Variants in CNTN5 observed in about 807,000 individuals in gnomAD.
The protein encoded by CNTN5 is contactin-5.
Under a neutral mutation model 129.1 loss-of-function variants are expected in CNTN5, and 77 were observed. That is an observed-to-expected ratio of 0.60 (90% confidence interval 0.50 to 0.72). The LOEUF (loss-of-function observed/expected upper bound fraction) is 0.72, where lower values mean the gene tolerates loss of function less well. CNTN5 is among the 30% of genes least tolerant of loss of function. The pLI is 0.00. For missense variants in CNTN5, 1,478 were observed against 1,328.8 expected (o/e 1.11, Z -1.75); for synonymous variants, 509 against 465.6 (o/e 1.09, Z -1.20).
chr11:99,381,353 A>G (rs1438722407), intron 2 of CNTN5, among the ~76,000 whole-genome samples: 2 of 152,158 alleles, frequency 1.3e-5, no homozygotes, highest in Non-Finnish European at 2.9e-5. Context: ...AAGTCAATGG[A>G]GATGATTTAT....
chr11:99,541,609 A>T (rs576200876), intron 2 of CNTN5, among the ~76,000 whole-genome samples: 1 of 152,122 alleles, frequency 6.6e-6, no homozygotes, highest in Non-Finnish European at 1.5e-5. Context: ...TCATGTTTTG[A>T]TGTGATGAAT....
At chr11:100,152,176 C>T (rs1410315180) in intron 13 of CNTN5, among the ~76,000 whole-genome samples, 3 of 152,136 alleles carry the variant, frequency 2.0e-5, no homozygotes, top group African/African-American at 7.2e-5. Context: ...TCATTTGTCT[C>T]CTTTTTCTCC....
intron 18 of CNTN5, among the ~76,000 whole-genome samples, chr11:100,274,035 C>T (rs541126328): frequency 3.0e-4 from 46 of 152,096 alleles, no homozygotes; most frequent in South Asian, 2.1e-4. Flanking sequence ...TACAGATGAG[C>T]GGAACAGAAT....
chr11:99,528,378 G>T (rs1329870939), intron 2 of CNTN5, among the ~76,000 whole-genome samples: 1 of 152,174 alleles, frequency 6.6e-6, no homozygotes, highest in Non-Finnish European at 1.5e-5. Flanking sequence ...TATTCATACA[G>T]AAATACATCT....
At chr11:99,580,736 T>G (rs1353068083) in intron 3 of CNTN5, among the ~76,000 whole-genome samples, 1 of 149,268 alleles carries the variant, frequency 6.7e-6, no homozygotes, top group East Asian at 2.0e-4. Context: ...TCTTTATTAG[T>G]CTTGCTAACG....
chr11:100,348,932 T>A (rs1196298076), intron 23 of CNTN5, among the ~76,000 whole-genome samples: 1 of 152,008 alleles, frequency 6.6e-6, no homozygotes, highest in African/African-American at 2.4e-5. Context: ...CCATGTGGTC[T>A]TATTCTCTGA....
rs939251828 is a variant in CNTN5 at position 99,680,492 on chromosome 11, A to G, written c.55+124223A>G. On this transcript the variant is annotated intron_variant, in intron 3 of 24. Coordinates refer to ENST00000524871, the MANE Select transcript of CNTN5 (RefSeq NM_014361.4). Reference sequence around the variant, plus strand: ...GGATGACAGCACATCTGTTTATAGCATGGTTTACTGAATATTTTAAGCCCA... The same window carrying G: ...GGATGACAGCACATCTGTTTATAGCGTGGTTTACTGAATATTTTAAGCCCA... 1.1e-4 allele frequency among the ~76,000 whole-genome samples: 17 copies of G among 151,854 alleles called. 1 individual carries two copies. The South Asian group carries it at 2.3e-3, about 20-fold the overall frequency.
intron 2 of CNTN5, among the ~76,000 whole-genome samples, chr11:99,550,935 A>G (rs752498104): frequency 1.1e-3 from 165 of 152,330 alleles, no homozygotes; most frequent in Non-Finnish European, 1.4e-3. Context: ...ACCAAGAGTA[A>G]GAGCATTTGG....
intron 1 of CNTN5, among the ~76,000 whole-genome samples, chr11:99,156,599 T>C (rs1474634247): frequency 6.6e-6 from 1 of 152,042 alleles, no homozygotes. Context: ...GACAAAAGTA[T>C]ACTGCAGACT....
intron 13 of CNTN5, among the ~76,000 whole-genome samples, chr11:100,153,583 G>GAAT (rs1235562821): frequency 6.6e-6 from 1 of 152,006 alleles, no homozygotes. Context: ...AAAGCAAAAT[G>GAAT]AATTTACTGA....
At chr11:99,638,369 A>C (rs1951641785) in intron 3 of CNTN5, among the ~76,000 whole-genome samples, 1 of 152,018 alleles carries the variant, frequency 6.6e-6, no homozygotes, top group African/African-American at 2.4e-5. Context: ...GACACAGCCA[A>C]ACCATATCAT....
chr11:99,023,624 G>A (rs1222512101), intron 1 of CNTN5, among the ~76,000 whole-genome samples: 1 of 152,192 alleles, frequency 6.6e-6, no homozygotes, highest in African/African-American at 2.4e-5. Context: ...CTAAAACAAA[G>A]TTGTAGCAGA....
At chr11:100,120,512 ATAATCCATTTAATCCACGTT>A (rs1387580462) in intron 13 of CNTN5, among the ~76,000 whole-genome samples, 4 of 152,030 alleles carry the variant, frequency 2.6e-5, no homozygotes, top group African/African-American at 9.7e-5. Flanking sequence ...CAGAAGAATC[ATAATCCATTTAATCCACGTT>A]TAATCCATTT....
rs570957319 is a variant in CNTN5 at position 99,513,911 on chromosome 11, G to T, written c.-70-42234G>T. 1.1e-3 allele frequency among the ~76,000 whole-genome samples: 165 copies of T among 152,074 alleles called. 1 individual carries two copies. The highest frequency in any genetic ancestry group is 3.5e-3 in the African/African-American group (147 of 41,502). On this transcript the variant is annotated intron_variant, in intron 2 of 24. Coordinates refer to ENST00000524871, the MANE Select transcript of CNTN5 (RefSeq NM_014361.4). ...TTGTCTTTTAAGTCTTTTTATTTAA[G>T]AAATACATTTTGTAAAGCTATTATG... is the stretch of plus-strand genomic sequence containing the variant.
chr11:99,306,710 G>A (rs1219893036), intron 1 of CNTN5, among the ~76,000 whole-genome samples: 1 of 150,084 alleles, frequency 6.7e-6, no homozygotes, highest in African/African-American at 2.4e-5. Flanking sequence ...CTCCAGCCTG[G>A]GCGACAGAGC....
chr11:99,176,017 A>C (rs563182544), intron 1 of CNTN5, among the ~76,000 whole-genome samples: 1 of 152,302 alleles, frequency 6.6e-6, no homozygotes, highest in African/African-American at 2.4e-5. Flanking sequence ...TCTTCTCCAC[A>C]AAACAATGCT....
At chr11:99,142,826 C>A (rs1940502) in intron 1 of CNTN5, among the ~76,000 whole-genome samples, 2 of 152,038 alleles carry the variant, frequency 1.3e-5, no homozygotes, top group Admixed American at 1.3e-4. Flanking sequence ...GTTCGTGGGA[C>A]TCGTAGGGCT....
intron 3 of CNTN5, among the ~76,000 whole-genome samples, chr11:99,560,366 C>T (rs562617408): frequency 6.6e-6 from 1 of 151,618 alleles, no homozygotes; most frequent in East Asian, 1.9e-4. Flanking sequence ...TATCTCAGCT[C>T]ACTGCCATCT....
intron 4 of CNTN5, among the ~76,000 whole-genome samples, chr11:99,830,008 A>G (rs1464877169): frequency 1.3e-5 from 2 of 152,116 alleles, no homozygotes; most frequent in African/African-American, 4.8e-5. Context: ...AATTAAGTGT[A>G]GGGTGCATTT....
Sources: gnomAD v4.1 joint callset for allele counts (sites outside exome capture counted in the v4.1 genomes callset) on GRCh38, gnomAD v4.1.1 for gene constraint, MANE v1.5 for transcripts, NCBI Gene and HGNC (gene_info 2026-07-23, HGNC 2026-07-21) for gene names.